CPXM2: variants seen among roughly 807,000 people sequenced by gnomAD.
CPXM2 encodes the protein inactive carboxypeptidase-like protein X2.
Under a neutral mutation model 86.1 loss-of-function variants are expected in CPXM2, and 66 were observed. The ratio of observed to expected loss-of-function variants is 0.77; its 90% CI spans 0.63 to 0.94. The LOEUF (loss-of-function observed/expected upper bound fraction) is 0.94. CPXM2 is among the 40% of genes least tolerant of loss of function. CPXM2 has a pLI of 0.00. For synonymous variants in CPXM2, 388 were observed against 400.2 expected (o/e 0.97, Z 0.36); for missense variants, 948 against 1,026.3 (o/e 0.92, Z 1.04).
intron 6 of CPXM2, among the ~76,000 whole-genome samples, chr10:123,784,580 G>A (rs1264424101): frequency 6.6e-6 from 1 of 152,114 alleles, no homozygotes; most frequent in East Asian, 1.9e-4. Flanking sequence ...CCTCAGACAT[G>A]GTCATAAAAA....
Position 123,771,496 on chromosome 10 carries a change from G to A in CPXM2, c.979-457C>T, listed in dbSNP as rs577901700. ...CATCTGCCATGGGAGGATGCAGCAC[G>A]ATGACGGCCCTGTGAACCAGAGAGT... On this transcript the variant is annotated intron_variant, in intron 7 of 13. Transcript: ENST00000241305. Among the ~76,000 whole-genome samples, 12 of 152,286 alleles carry A rather than the reference G, an allele frequency of 7.9e-5. No homozygotes were observed. In the East Asian group the frequency reaches 1.2e-3, roughly 15 times the overall value.
chr10:123,804,780 G>A (rs1455551696), intron 4 of CPXM2, among the ~76,000 whole-genome samples: 1 of 152,112 alleles, frequency 6.6e-6, no homozygotes, highest in Non-Finnish European at 1.5e-5. Flanking sequence ...CCAAGGGAAG[G>A]TTTCTATATT....
At chr10:123,906,515 C>T (rs1446674851) in intron 2 of CPXM2, among the ~76,000 whole-genome samples, 1 of 152,210 alleles carries the variant, frequency 6.6e-6, no homozygotes, top group Non-Finnish European at 1.5e-5. Context: ...CACTCAGCTG[C>T]CTCTGAGGTT....
intron 2 of CPXM2, among the ~76,000 whole-genome samples, chr10:123,918,758 C>T (rs1945556008): frequency 1.3e-5 from 2 of 152,188 alleles, no homozygotes. Flanking sequence ...TCATGGAAGC[C>T]ATACAAGCAT....
intron 4 of CPXM2, among the ~76,000 whole-genome samples, chr10:123,841,233 G>A (rs1463972797): frequency 1.3e-5 from 2 of 152,096 alleles, no homozygotes; most frequent in Non-Finnish European, 1.5e-5. Context: ...CGTGACCACC[G>A]TCCACATGGC....
rs184122501 is a variant in CPXM2, at chr10:123,794,173, C to T, written c.889+3803G>A. Among the ~76,000 whole-genome samples the T allele has an allele frequency of 1.3e-3, 198 of 152,322 alleles. 1 individual carries two copies. The highest frequency in any genetic ancestry group is 1.8e-3 in the Admixed American group (28 of 15,308). On this transcript the variant is annotated intron_variant, in intron 6 of 13. Transcript: ENST00000241305. ...GAGGGAGTGGCTCCTGTCCACAGATCTCTGTGCCCATCACTAGGTTCTGTA... is the reference window on the plus strand; with the variant it reads ...GAGGGAGTGGCTCCTGTCCACAGATTTCTGTGCCCATCACTAGGTTCTGTA...
At chr10:123,750,292 T>C (rs1846046212) in intron 13 of CPXM2, 1 of 985,280 alleles carries the variant, frequency 1.0e-6, no homozygotes, top group Non-Finnish European at 1.2e-6. Context: ...GGCTCAGTGC[T>C]TAGAGCAAAA....
chr10:123,920,395 C>T (rs1171731040), intron 2 of CPXM2, among the ~76,000 whole-genome samples: 1 of 151,908 alleles, frequency 6.6e-6, no homozygotes, highest in African/African-American at 2.4e-5. Context: ...AAAATAAGAA[C>T]AATGCAAAAT....
At chr10:123,807,057 G>T (rs890929878) in intron 4 of CPXM2, among the ~76,000 whole-genome samples, 2 of 152,198 alleles carry the variant, frequency 1.3e-5, no homozygotes, top group East Asian at 1.9e-4. Flanking sequence ...AGTGAGTAGG[G>T]ATTGAATGGG....
Position 123,747,921 on chromosome 10 carries a change from C to CAA in CPXM2, c.2018-906_2018-905dup, listed in dbSNP as rs59206856. 1.0e-2 allele frequency among the ~76,000 whole-genome samples: 716 copies of CAA among 71,920 alleles called. 16 individuals are homozygous for CAA. The highest frequency in any genetic ancestry group is 0.032 in the African/African-American group (642 of 19,930). 47.2% of individuals were successfully genotyped at this position (71,920 alleles called of 152,430 possible). ...TGGGCGACAGAGTGAGACTCTGTCTCAAAAAAAAAAAAAAAAAAAAGACAG... is the reference window on the plus strand; with the variant it reads ...TGGGCGACAGAGTGAGACTCTGTCTCAAAAAAAAAAAAAAAAAAAAAAGACAG... On this transcript the variant is annotated intron_variant, in intron 13 of 13. Coordinates refer to ENST00000241305, the MANE Select transcript of CPXM2 (RefSeq NM_198148.3).
chr10:123,844,810 A>G (rs1383438303), intron 3 of CPXM2, among the ~76,000 whole-genome samples: 1 of 152,300 alleles, frequency 6.6e-6, no homozygotes, highest in Admixed American at 6.5e-5. Flanking sequence ...AGCAAGCCAC[A>G]CAGAACCTTA....
At chr10:123,912,634 G>A (rs1945500415) in intron 2 of CPXM2, among the ~76,000 whole-genome samples, 1 of 152,208 alleles carries the variant, frequency 6.6e-6, no homozygotes, top group Admixed American at 6.5e-5. Context: ...CAGGGATTGG[G>A]AGCATGGAAG....
intron 1 of CPXM2, among the ~76,000 whole-genome samples, chr10:123,888,166 A>C (rs980908682): frequency 2.0e-5 from 3 of 152,218 alleles, no homozygotes; most frequent in Non-Finnish European, 4.4e-5. Flanking sequence ...CAGGGTTAAA[A>C]CAGGGCTCCC....
chr10:123,914,581 C>T (rs1214113136), intron 2 of CPXM2, among the ~76,000 whole-genome samples: 1 of 152,170 alleles, frequency 6.6e-6, no homozygotes, highest in Non-Finnish European at 1.5e-5. Context: ...ATTCGTTTTC[C>T]TGGTCTCTGC....
At chr10:123,750,413 G>A (rs1162602685) in intron 13 of CPXM2, 1 of 977,190 alleles carries the variant, frequency 1.0e-6, no homozygotes, top group Admixed American at 6.2e-5. Context: ...TTGACTCTGA[G>A]CCTTTGCAAT....
At chr10:123,864,193 G>A (rs1848926239) in intron 2 of CPXM2, among the ~76,000 whole-genome samples, 1 of 152,056 alleles carries the variant, frequency 6.6e-6, no homozygotes, top group African/African-American at 2.4e-5. Flanking sequence ...GACACAGTCA[G>A]CATTCTCAGG....
chr10:123,862,826 T>C, intron 2 of CPXM2, 103 bp from the exon 3 acceptor site: 1 of 919,638 alleles, frequency 1.1e-6, no homozygotes. Context: ...TCCCCTGAAC[T>C]CCCACCCACA....
chr10:123,901,647 G>A (rs1387700557), intron 2 of CPXM2, among the ~76,000 whole-genome samples: 1 of 152,100 alleles, frequency 6.6e-6, no homozygotes, highest in Non-Finnish European at 1.5e-5. Context: ...ATCACCACTG[G>A]CTAACTGAGC....
chr10:123,935,826 A>G (rs530420646), intron 2 of CPXM2, among the ~76,000 whole-genome samples: 1 of 152,028 alleles, frequency 6.6e-6, no homozygotes, highest in East Asian at 1.9e-4. Flanking sequence ...CTTCATCGCC[A>G]TCATCACCAG....
Sources: gnomAD v4.1 joint callset for allele counts (sites outside exome capture counted in the v4.1 genomes callset) on GRCh38, gnomAD v4.1.1 for gene constraint, MANE v1.5 for transcripts, NCBI Gene and HGNC (gene_info 2026-07-23, HGNC 2026-07-21) for gene names.